The following TTLL7 variants were observed in gnomAD, a reference collection of about 807,000 sequenced individuals.
TTLL7 encodes the protein tubulin polyglutamylase TTLL7.
In TTLL7, 53 loss-of-function variants were observed where a neutral mutation model predicts 120.2. That is an observed-to-expected ratio of 0.44 (90% confidence interval 0.35 to 0.55). The LOEUF (loss-of-function observed/expected upper bound fraction) is 0.55, where lower values mean the gene tolerates loss of function less well. Ranked by LOEUF, TTLL7 falls within the 20% of genes least tolerant of loss-of-function variation. The pLI, the probability that TTLL7 is intolerant of heterozygous loss-of-function variation, is 0.00. For missense variants in TTLL7, 803 were observed against 1,054.7 expected, an observed-to-expected ratio of 0.76 and a Z score of 3.31; for synonymous variants, 353 against 351.7, an observed-to-expected ratio of 1.00 and a Z score of -0.04.
intron 19 of TTLL7, among the ~76,000 whole-genome samples, chr1:83,888,368 T>G (rs1655146113): frequency 6.6e-6 from 1 of 151,950 alleles, no homozygotes; most frequent in Admixed American, 6.6e-5. Context: ...CCCAAATTAT[T>G]CTCAGATTTC....
intron 14 of TTLL7, 52 bp downstream of exon 14, chr1:83,917,552 A>G: frequency 7.7e-7 from 1 of 1,293,064 alleles, no homozygotes; most frequent in Non-Finnish European, 1.1e-6. Flanking sequence ...AGAAGTATCA[A>G]GGGCTAGTAG....
At position 83,866,827 on chromosome 1, in the gene TTLL7, C is replaced by T. The variant is rs970968004; in HGVS notation, c.*3135G>A. On this transcript the variant is annotated 3_prime_UTR_variant, in exon 21 of 21. Coordinates refer to ENST00000260505, the MANE Select transcript of TTLL7 (RefSeq NM_024686.6). ...ATAGATTATATAGAGCAAATGGTAA[C>T]TAATCTATAATGATGGATTAGTCAA... 6 of 151,942 alleles carry T rather than the reference C, an allele frequency of 3.9e-5. No homozygotes were observed. Among genetic ancestry groups the T allele is most frequent in the African/African-American group, 1.2e-4 (5 of 41,414 alleles). 9.4% of individuals were successfully genotyped at this position (151,942 alleles called of 1,614,324 possible).
chr1:83,941,553 A>G (rs1351988488), intron 7 of TTLL7, among the ~76,000 whole-genome samples: 1 of 152,162 alleles, frequency 6.6e-6, no homozygotes, highest in Non-Finnish European at 1.5e-5. Flanking sequence ...CCATTATTTA[A>G]TGTTGAAAAA....
At chr1:83,968,042 T>C (rs563564367) in intron 1 of TTLL7, among the ~76,000 whole-genome samples, 1 of 152,178 alleles carries the variant, frequency 6.6e-6, no homozygotes, top group East Asian at 1.9e-4. Context: ...TCCAGCTCCA[T>C]TGGTGCAGTA....
At position 83,865,761 on chromosome 1, in the gene TTLL7, G is replaced by T. The variant is rs965228781; in HGVS notation, c.*4201C>A. The T allele has an allele frequency of 1.8e-4, 27 of 151,780 alleles. No individual in the cohort carries two copies. The highest frequency in any genetic ancestry group is 1.2e-3 in the Admixed American group (19 of 15,234). 9.4% of individuals were successfully genotyped at this position (151,780 alleles called of 1,614,324 possible). On this transcript the variant is annotated 3_prime_UTR_variant, in exon 21 of 21. Coordinates refer to ENST00000260505, the MANE Select transcript of TTLL7 (RefSeq NM_024686.6). ...ATATTTTATGTTTTATTATTGCTGAGGCAAAATCACACCACCATAAAATGC... is the reference window on the plus strand; with the variant it reads ...ATATTTTATGTTTTATTATTGCTGATGCAAAATCACACCACCATAAAATGC...
Position 83,911,244 on chromosome 1 carries a change from C to A in TTLL7, c.1707G>T (p.Glu569Asp). 1 of 1,613,222 alleles carries A rather than the reference C, an allele frequency of 6.2e-7. No individual in the cohort carries two copies. Among genetic ancestry groups the A allele is most frequent in the Non-Finnish European group, 8.5e-7 (1 of 1,179,396 alleles). Reference protein sequence around the residue: ...SSESDENEKEEYQNKKREKQV... With the variant: ...SSESDENEKEDYQNKKREKQV... ...GCTTTTCTCTTTTCTTATTTTGGTA[C>A]TCTTCTTTTTCATTTTCGTCAGATT... Residue 569 changes from glutamate to aspartate, a missense_variant, in exon 15 of 21, where the codon GAG becomes GAT. Coordinates refer to ENST00000260505, the MANE Select transcript of TTLL7 (RefSeq NM_024686.6).
chr1:83,942,537 T>G lies in TTLL7; in HGVS notation c.649A>C (p.Lys217Gln). 6.2e-7 allele frequency: 1 copy of G among 1,614,074 alleles called. No individual in the cohort carries two copies. Among genetic ancestry groups the G allele is most frequent in the Non-Finnish European group, 8.5e-7 (1 of 1,179,966 alleles). ...YILVTSCDPL[K>Q]IFLYHDGLVR... ...AGCCCATCATGGTAGAGAAATATTT[T>G]TAGTGGATCACACGATGTAACCAGA... is the stretch of plus-strand genomic sequence containing the variant. The change falls in exon 7 of 21, where the codon AAA becomes CAA. Residue 217 changes from lysine to glutamine, a missense_variant. Transcript: ENST00000260505.
intron 1 of TTLL7, among the ~76,000 whole-genome samples, chr1:83,965,617 CTTAT>C (rs1054547613): frequency 7.9e-5 from 12 of 151,872 alleles, no homozygotes; most frequent in Non-Finnish European, 1.8e-4. Flanking sequence ...TGTTTTTTGC[CTTAT>C]TTGATTATTT....
At chr1:83,914,521 G>T (rs181624649) in intron 14 of TTLL7, among the ~76,000 whole-genome samples, 3 of 151,654 alleles carry the variant, frequency 2.0e-5, no homozygotes, top group African/African-American at 7.3e-5. Context: ...TAGTAGAGAC[G>T]GGGTTTCACC....
At chr1:83,968,790 T>C (rs1557763079) in intron 1 of TTLL7, among the ~76,000 whole-genome samples, 1 of 152,014 alleles carries the variant, frequency 6.6e-6, no homozygotes, top group East Asian at 1.9e-4. Context: ...TCACCAAAGG[T>C]GGTGGTAACT....
intron 1 of TTLL7, among the ~76,000 whole-genome samples, chr1:83,956,340 G>A (rs1418700794): frequency 6.6e-6 from 1 of 150,756 alleles, no homozygotes; most frequent in African/African-American, 2.4e-5. Flanking sequence ...GACCAGGCTG[G>A]TCTCAAACTC....
intron 10 of TTLL7, among the ~76,000 whole-genome samples, chr1:83,923,697 A>G (rs1021049600): frequency 1.3e-5 from 2 of 152,122 alleles, no homozygotes; most frequent in Non-Finnish European, 2.9e-5. Flanking sequence ...AACTATTTGC[A>G]TTTCTATGAA....
At chr1:83,949,420 G>T (rs1191176250) in intron 4 of TTLL7, 1 of 155,600 alleles carries the variant, frequency 6.4e-6, no homozygotes, top group African/African-American at 2.4e-5. Flanking sequence ...TCCACCTCCC[G>T]GGTTTAAGCA....
At chr1:83,931,292 C>G (rs1049076315) in intron 9 of TTLL7, among the ~76,000 whole-genome samples, 1 of 151,968 alleles carries the variant, frequency 6.6e-6, no homozygotes, top group African/African-American at 2.4e-5. Context: ...TTTATCAAAA[C>G]AATCACTTTT....
intron 1 of TTLL7, among the ~76,000 whole-genome samples, chr1:83,996,348 T>C (rs958805987): frequency 1.3e-5 from 2 of 152,182 alleles, no homozygotes; most frequent in African/African-American, 2.4e-5. Context: ...AGAGAAATGA[T>C]TAACAGATCA....
chr1:83,962,628 A>C (rs962352940), intron 1 of TTLL7, among the ~76,000 whole-genome samples: 2 of 152,158 alleles, frequency 1.3e-5, no homozygotes, highest in Non-Finnish European at 2.9e-5. Flanking sequence ...CATTGTGCCT[A>C]CTAAGTAACT....
intron 1 of TTLL7, among the ~76,000 whole-genome samples, chr1:83,991,819 T>A (rs1042650504): frequency 6.6e-6 from 1 of 152,152 alleles, no homozygotes; most frequent in Non-Finnish European, 1.5e-5. Context: ...ACTCTATTTA[T>A]AGATATTGCT....
In TTLL7 at chr1:83,867,074, T is replaced by C. The variant is rs1378485693; in HGVS notation, c.*2888A>G. ...CAGTTCCCCTATTAAAAACCTCTGG[T>C]AAGATTAAGTAGCTTTTGGAGTTTT... is the stretch of plus-strand genomic sequence containing the variant. On this transcript the variant is annotated 3_prime_UTR_variant, in exon 21 of 21. Transcript: ENST00000260505. 6.6e-6 allele frequency: 1 copy of C among 151,998 alleles called. No homozygotes were observed. The highest frequency in any genetic ancestry group is 1.5e-5 in the Non-Finnish European group (1 of 67,872). The allele number at this position is 151,998 out of a possible 1,614,324, so 9.4% of individuals were successfully genotyped here.
intron 8 of TTLL7, among the ~76,000 whole-genome samples, chr1:83,934,510 T>G (rs1352558118): frequency 6.6e-6 from 1 of 152,234 alleles, no homozygotes. Flanking sequence ...ATAAGTTTTA[T>G]CTGAGAAGAC....
Sources: allele counts gnomAD v4.1 joint callset (sites outside exome capture counted in the v4.1 genomes callset), GRCh38; gene constraint gnomAD v4.1.1; transcripts MANE v1.5; gene names NCBI Gene and HGNC (gene_info 2026-07-23, HGNC 2026-07-21).